Variants in BOC observed in about 807,000 individuals in gnomAD.
BOC encodes brother of CDO.
Under a neutral mutation model 112.0 loss-of-function variants are expected in BOC, and 76 were observed. The observed-to-expected ratio is 0.68, with a 90% CI of 0.56 to 0.82. The LOEUF is 0.82. Among genes scored for constraint, BOC ranks in the 40% least tolerant of loss-of-function variants. The probability of loss-of-function intolerance (pLI) is 0.00; values close to 1 mark genes in which losing one functional copy is unlikely to be tolerated. For synonymous variants in BOC, 580 were observed against 599.8 expected, an observed-to-expected ratio of 0.97 and a Z score of 0.48; for missense variants, 1,309 against 1,511.7, an observed-to-expected ratio of 0.87 and a Z score of 2.22.
At chr3:113,238,631 T>C (rs981459568) in intron 2 of BOC, among the ~76,000 whole-genome samples, 1 of 152,262 alleles carries the variant, frequency 6.6e-6, no homozygotes, top group Admixed American at 6.5e-5. Context: ...GAAAGCAGCA[T>C]GGTAGAGTGA....
Position 113,284,833 on chromosome 3 carries a change from G to C in BOC, c.2941G>C (p.Asp981His). 1 of 1,614,164 alleles carries C rather than the reference G, an allele frequency of 6.2e-7. No homozygotes were observed. The highest frequency in any genetic ancestry group is 8.5e-7 in the Non-Finnish European group (1 of 1,180,012). The change falls in exon 18 of 20, where the codon GAC (aspartate) becomes CAC (histidine). Residue 981 changes from aspartate to histidine, a missense_variant. Coordinates refer to ENST00000682979, the MANE Select transcript of BOC (RefSeq NM_001378074.1). Reference sequence around the variant, plus strand: ...GCAGACCCATCTTGGCAATGGATATGACCCCCAAAGTCACCAGATCACGAG... The same window carrying C: ...GCAGACCCATCTTGGCAATGGATATCACCCCCAAAGTCACCAGATCACGAG... ...LRQTHLGNGY[D>H]PQSHQITRGP...
intron 4 of BOC, 46 bp from the exon 5 acceptor site, chr3:113,268,253 T>C: frequency 6.2e-7 from 1 of 1,609,808 alleles, no homozygotes; most frequent in East Asian, 2.2e-5. Context: ...AATGTCACAC[T>C]TTTGCTCTGC....
Position 113,273,090 on chromosome 3 carries a change from A to G in BOC, c.983A>G (p.Glu328Gly). The change falls in exon 8 of 20, where the codon GAG (glutamate) becomes GGG (glycine). Residue 328 changes from glutamate (E) to glycine (G), a missense_variant. Transcript: ENST00000682979. ...QVFEPPEVTMELSQLVIPWGQ... is the reference protein window; with the variant it reads ...QVFEPPEVTMGLSQLVIPWGQ... The stretch of plus-strand genomic sequence containing the variant: ...GCAGAACCCCCTGAGGTCACCATGG[A>G]GCTATCCCAGCTGGTCATCCCCTGG... 1 of 1,606,904 alleles carries G rather than the reference A, an allele frequency of 6.2e-7. No homozygotes were observed. The highest frequency in any genetic ancestry group is 1.3e-5 in the African/African-American group (1 of 74,838).
intron 2 of BOC, among the ~76,000 whole-genome samples, chr3:113,230,801 G>T (rs1024969314): frequency 1.3e-5 from 2 of 152,046 alleles, no homozygotes; most frequent in African/African-American, 2.4e-5. Context: ...TAGTAATTTA[G>T]CAGGAAAAAA....
In BOC at chr3:113,286,897, T is replaced by A; in HGVS notation, c.*35T>A. Reference sequence around the variant, plus strand: ...GATATCCCAGAAAGACTATATATTGTTTTTTTTTTAAAAAAAAAAAGAAGA... The same window carrying A: ...GATATCCCAGAAAGACTATATATTGATTTTTTTTTAAAAAAAAAAAGAAGA... On this transcript the variant is annotated 3_prime_UTR_variant, in exon 20 of 20. Coordinates refer to ENST00000682979, the MANE Select transcript of BOC (RefSeq NM_001378074.1). 1 of 1,345,332 alleles carries A rather than the reference T, an allele frequency of 7.4e-7. No homozygotes were observed. Among genetic ancestry groups the A allele is most frequent in the Non-Finnish European group, 9.8e-7 (1 of 1,024,038 alleles). 83.3% of individuals were successfully genotyped at this position (1,345,332 alleles called of 1,614,324 possible).
intron 2 of BOC, among the ~76,000 whole-genome samples, chr3:113,222,162 T>C (rs1940805112): frequency 6.6e-6 from 1 of 152,208 alleles, no homozygotes; most frequent in African/African-American, 2.4e-5. Flanking sequence ...GTTTATTTGT[T>C]CTTTTGGTTA....
At chr3:113,237,356 G>A (rs1943702499) in intron 2 of BOC, among the ~76,000 whole-genome samples, 1 of 152,076 alleles carries the variant, frequency 6.6e-6, no homozygotes, top group South Asian at 2.1e-4. Context: ...GCCTGAACCT[G>A]TCGTCTTTCT....
intron 12 of BOC, 79 bp downstream of exon 12, chr3:113,279,534 G>A (rs1948990842): frequency 7.1e-7 from 1 of 1,411,502 alleles, no homozygotes; most frequent in Non-Finnish European, 9.7e-7. Context: ...GACGAGCCTG[G>A]GATCCCCTTC....
At chr3:113,221,429 T>G (rs928059188) in intron 2 of BOC, among the ~76,000 whole-genome samples, 2 of 152,208 alleles carry the variant, frequency 1.3e-5, no homozygotes, top group African/African-American at 2.4e-5. Flanking sequence ...TCGATGCCAG[T>G]CCTTGGTCCT....
chr3:113,251,004 A>C (rs971481488), intron 4 of BOC, 171 bp downstream of exon 4: 1 of 838,762 alleles, frequency 1.2e-6, no homozygotes. Context: ...GTGATGGGGG[A>C]CCCTTGTGCC....
At chr3:113,277,373 T>C (rs1232456015) in intron 9 of BOC, among the ~76,000 whole-genome samples, 2 of 152,214 alleles carry the variant, frequency 1.3e-5, no homozygotes. Flanking sequence ...TGCTCTGAGT[T>C]ACACAACCGG....
At chr3:113,256,401 TG>T (rs572998968) in intron 4 of BOC, among the ~76,000 whole-genome samples, 222 of 152,326 alleles carry the variant, frequency 1.5e-3, no homozygotes, top group Non-Finnish European at 2.3e-3. Context: ...CACGGTGTCA[TG>T]GTGCATTGTC....
intron 2 of BOC, among the ~76,000 whole-genome samples, chr3:113,246,644 A>G: frequency 6.6e-6 from 1 of 152,064 alleles, no homozygotes; most frequent in East Asian, 1.9e-4. Flanking sequence ...TTTATTTATA[A>G]TCATCATCCA....
chr3:113,212,160 C>T (rs1306910988), intron 1 of BOC, 144 bp downstream of exon 1: 3 of 150,852 alleles, frequency 2.0e-5, no homozygotes, highest in Non-Finnish European at 3.0e-5. Context: ...CGGCGGGAGC[C>T]GGGTCCCAGC....
intron 1 of BOC, among the ~76,000 whole-genome samples, chr3:113,214,424 G>A (rs1303312667): frequency 2.0e-5 from 3 of 152,198 alleles, no homozygotes; most frequent in Non-Finnish European, 4.4e-5. Context: ...AGCCTGATGT[G>A]TCATAGTGTT....
intron 2 of BOC, among the ~76,000 whole-genome samples, chr3:113,237,538 G>A (rs955319333): frequency 1.3e-5 from 2 of 152,150 alleles, no homozygotes; most frequent in African/African-American, 4.8e-5. Context: ...TTAGTTGGGT[G>A]TTCATTTTGG....
At chr3:113,246,227 T>C (rs1198713672) in intron 2 of BOC, among the ~76,000 whole-genome samples, 2 of 152,248 alleles carry the variant, frequency 1.3e-5, no homozygotes, top group Non-Finnish European at 2.9e-5. Flanking sequence ...CAAATAACCC[T>C]TTAAACTGTC....
At chr3:113,229,491 T>A (rs1942250469) in intron 2 of BOC, among the ~76,000 whole-genome samples, 1 of 152,218 alleles carries the variant, frequency 6.6e-6, no homozygotes, top group Admixed American at 6.5e-5. Context: ...GCAGCCACTA[T>A]GGCTCAGGGA....
intron 2 of BOC, among the ~76,000 whole-genome samples, chr3:113,238,096 G>A (rs903847609): frequency 2.0e-5 from 3 of 152,202 alleles, no homozygotes; most frequent in African/African-American, 7.2e-5. Context: ...ATGAGGAACA[G>A]CCACAGAAGG....
Sources: allele counts gnomAD v4.1 joint callset (sites outside exome capture counted in the v4.1 genomes callset), GRCh38; gene constraint gnomAD v4.1.1; transcripts MANE v1.5; gene names NCBI Gene and HGNC (gene_info 2026-07-23, HGNC 2026-07-21).